COG6: variants seen among roughly 807,000 people sequenced by gnomAD.
COG6 encodes the protein component of oligomeric golgi complex 6.
COG6 carries 74 observed loss-of-function variants against 88.8 expected under a neutral mutation model. That is an observed-to-expected ratio of 0.83 (90% CI 0.69 to 1.01). The LOEUF is 1.01. Ranked by LOEUF, COG6 falls within the 50% of genes least tolerant of loss-of-function variation. The pLI is 0.00. For missense variants in COG6, 800 were observed against 797.9 expected (o/e 1.00, Z -0.03); for synonymous variants, 286 against 278.7 (o/e 1.03, Z -0.26).
chr13:39,733,371 A>G (rs1879561424), intron 18 of COG6, among the ~76,000 whole-genome samples: 1 of 151,656 alleles, frequency 6.6e-6, no homozygotes, highest in African/African-American at 2.4e-5. Flanking sequence ...TTGTAGTTTT[A>G]GTAGAGACGG....
At chr13:39,721,586 G>T (rs1436159138) in intron 15 of COG6, among the ~76,000 whole-genome samples, 2 of 152,098 alleles carry the variant, frequency 1.3e-5, no homozygotes, top group African/African-American at 4.8e-5. Flanking sequence ...ATGCTTGTCA[G>T]AGTGCTGTCA....
At chr13:39,723,152 A>G (rs951295777) in intron 15 of COG6, among the ~76,000 whole-genome samples, 181 bp from the exon 16 acceptor site, 1 of 152,084 alleles carries the variant, frequency 6.6e-6, no homozygotes, top group Non-Finnish European at 1.5e-5. Flanking sequence ...CTCCTTGTTT[A>G]TAATTTTTAA....
At chr13:39,779,999 T>C (rs913008090) in intron 18 of COG6, among the ~76,000 whole-genome samples, 2 of 152,200 alleles carry the variant, frequency 1.3e-5, no homozygotes, top group African/African-American at 2.4e-5. Context: ...GGATGAAGAA[T>C]GAATAGAATT....
At chr13:39,773,648 T>C (rs993003214) in intron 18 of COG6, among the ~76,000 whole-genome samples, 3 of 152,210 alleles carry the variant, frequency 2.0e-5, no homozygotes, top group African/African-American at 7.2e-5. Context: ...TGTTCCAGCC[T>C]GACTCCAATC....
intron 4 of COG6, among the ~76,000 whole-genome samples, chr13:39,673,996 CT>C (rs776331291): frequency 1.3e-5 from 2 of 151,994 alleles, no homozygotes; most frequent in Non-Finnish European, 2.9e-5. Flanking sequence ...TAGATATCAT[CT>C]TTAAAAACTT....
chr13:39,719,211 G>T (rs1426533772), intron 13 of COG6, 25 bp from the exon 14 acceptor site: 1 of 1,609,798 alleles, frequency 6.2e-7, no homozygotes, highest in African/African-American at 1.3e-5. Context: ...AATATAAGGA[G>T]TGGGTAAATC....
intron 18 of COG6, among the ~76,000 whole-genome samples, chr13:39,750,088 G>A (rs1297528670): frequency 1.3e-5 from 2 of 152,120 alleles, no homozygotes; most frequent in East Asian, 1.9e-4. Context: ...AAGAAAAGGA[G>A]GTGTGGAAGC....
chr13:39,680,127 T>C (rs1218078835), intron 7 of COG6, 82 bp downstream of exon 7: 3 of 800,998 alleles, frequency 3.7e-6, no homozygotes, highest in Non-Finnish European at 6.3e-6. Flanking sequence ...TTATTTGATA[T>C]ATTTTGATTT....
In COG6 at chr13:39,750,952, G is replaced by A. The variant is rs1005508924; in HGVS notation, c.1833G>A (p.Gln611=). Residue 611 remains glutamine, a synonymous_variant, in exon 19 of 19, where the codon CAG becomes CAA. Coordinates refer to ENST00000455146, the MANE Select transcript of COG6 (RefSeq NM_020751.3). ...TTTGTTTGCTTATCAATAGAGAGCA[G>A]ATCGTAAAACAATCTACAGAATTAG... is the stretch of plus-strand genomic sequence containing the variant. The part of the protein sequence containing the change: ...NFLLSATVKE[Q]IVKQSTELVC... The A allele has an allele frequency of 3.1e-6, 5 of 1,613,014 alleles. No homozygotes were observed. Among genetic ancestry groups the A allele is most frequent in the Admixed American group, 1.7e-5 (1 of 59,904 alleles).
At chr13:39,724,427 A>G (rs1879017911) in intron 16 of COG6, 81 bp from the exon 17 acceptor site, 11 of 1,106,190 alleles carry the variant, frequency 9.9e-6, no homozygotes, top group African/African-American at 4.7e-5. Context: ...GCACTAATGA[A>G]CTATATTCAG....
chr13:39,682,504 T>C, intron 8 of COG6: 1 of 423,958 alleles, frequency 2.4e-6, no homozygotes, highest in Non-Finnish European at 4.3e-6. Flanking sequence ...AGACTACCTC[T>C]TACTTATATA....
At chr13:39,727,672 C>T in intron 18 of COG6, 124 bp downstream of exon 18, 1 of 783,040 alleles carries the variant, frequency 1.3e-6, no homozygotes, top group Non-Finnish European at 2.2e-6. Context: ...CTATAGTTCT[C>T]AACCTTTCTT....
chr13:39,671,315 A>ATTTTTTT (rs536998162), intron 4 of COG6, among the ~76,000 whole-genome samples: 1 of 151,668 alleles, frequency 6.6e-6, no homozygotes, highest in African/African-American at 2.4e-5. Context: ...TTAAATGAAA[A>ATTTTTTT]TTTTGTCTGA....
At chr13:39,736,672 GA>G (rs1444374839) in intron 18 of COG6, among the ~76,000 whole-genome samples, 26 of 152,300 alleles carry the variant, frequency 1.7e-4, no homozygotes, top group African/African-American at 5.8e-4. Context: ...GCTTGGGCAA[GA>G]AGAGCAAAAC....
At chr13:39,734,241 T>C (rs1173370402) in intron 18 of COG6, among the ~76,000 whole-genome samples, 1 of 152,124 alleles carries the variant, frequency 6.6e-6, no homozygotes, top group Admixed American at 6.5e-5. Flanking sequence ...CACTTACAGC[T>C]ACAAAGTTTC....
intron 18 of COG6, among the ~76,000 whole-genome samples, chr13:39,738,211 G>A (rs978918752): frequency 7.9e-5 from 12 of 152,140 alleles, no homozygotes; most frequent in Middle Eastern, 3.4e-3. Context: ...GATCTCTGGA[G>A]GCTTCTATTT....
chr13:39,673,851 A>C (rs1035833382), intron 4 of COG6, among the ~76,000 whole-genome samples: 1 of 151,644 alleles, frequency 6.6e-6, no homozygotes, highest in Non-Finnish European at 1.5e-5. Flanking sequence ...TTTTATGTTC[A>C]TTTTCCTATG....
At chr13:39,785,714 G>A (rs919621204) in intron 18 of COG6, among the ~76,000 whole-genome samples, 1 of 152,142 alleles carries the variant, frequency 6.6e-6, no homozygotes, top group African/African-American at 2.4e-5. Context: ...ATTTTTGATA[G>A]GGCATTCAGA....
intron 13 of COG6, 34 bp from the exon 14 acceptor site, chr13:39,719,202 A>G (rs1878705695): frequency 1.9e-6 from 3 of 1,607,866 alleles, no homozygotes; most frequent in Non-Finnish European, 2.6e-6. Flanking sequence ...AGTGGAAAAA[A>G]TATAAGGAGT....
Sources: allele counts gnomAD v4.1 joint callset (sites outside exome capture counted in the v4.1 genomes callset), GRCh38; gene constraint gnomAD v4.1.1; transcripts MANE v1.5; gene names NCBI Gene and HGNC (gene_info 2026-07-23, HGNC 2026-07-21).